Variants in SPATA1 observed in about 807,000 individuals in gnomAD.
SPATA1 encodes the protein spermatogenesis associated 1.
In SPATA1, 57 loss-of-function variants were observed where a neutral mutation model predicts 59.6. The ratio of observed to expected loss-of-function variants is 0.96; its 90% confidence interval spans 0.77 to 1.19. The LOEUF is 1.19. Ranked by LOEUF, SPATA1 falls within the 50% of genes most tolerant of loss-of-function variation. The probability of loss-of-function intolerance (pLI) is 0.00; values close to 1 mark genes in which losing one functional copy is unlikely to be tolerated. For synonymous variants in SPATA1, 147 were observed against 163.9 expected (o/e 0.90, Z 0.79); for missense variants, 448 against 480.7 (o/e 0.93, Z 0.64).
chr1:84,549,762 G>A (rs912570472), intron 11 of SPATA1: 6 of 151,934 alleles, frequency 3.9e-5, no homozygotes, highest in Non-Finnish European at 8.8e-5. Context: ...ATGATTAAAA[G>A]TAAGGATTTA....
chr1:84,515,977 A>G (rs565191875), intron 1 of SPATA1, among the ~76,000 whole-genome samples: 136 of 152,266 alleles, frequency 8.9e-4, no homozygotes, highest in Middle Eastern at 3.4e-3. Flanking sequence ...ATTTAACCTT[A>G]ATTTTTGACC....
At chr1:84,545,538 G>T in intron 9 of SPATA1, 96 bp from the exon 10 acceptor site, 1 of 1,325,562 alleles carries the variant, frequency 7.5e-7, no homozygotes, top group Non-Finnish European at 1.0e-6. Flanking sequence ...TATTCTTGCT[G>T]CTTTAGACAT....
chr1:84,529,624 C>A (rs912634871), intron 6 of SPATA1, among the ~76,000 whole-genome samples: 1 of 130,176 alleles, frequency 7.7e-6, no homozygotes, highest in Middle Eastern at 6.1e-3. Context: ...GCTCTGTTGC[C>A]AGGCTGCAGT....
At chr1:84,551,277 G>A in intron 12 of SPATA1, 1 of 981,764 alleles carries the variant, frequency 1.0e-6, no homozygotes, top group Non-Finnish European at 1.2e-6. Flanking sequence ...TTATGACACA[G>A]AATAATGACT....
chr1:84,528,498 G>C (rs919740647), intron 6 of SPATA1, among the ~76,000 whole-genome samples: 3 of 152,036 alleles, frequency 2.0e-5, no homozygotes, highest in Admixed American at 6.5e-5. Flanking sequence ...TATCATTTTG[G>C]ACTCACTTCT....
intron 8 of SPATA1, among the ~76,000 whole-genome samples, chr1:84,540,250 G>A (rs1683855307): frequency 6.6e-6 from 1 of 151,918 alleles, no homozygotes; most frequent in East Asian, 1.9e-4. Context: ...TCTCAGATTT[G>A]TCATTTTATT....
downstream of SPATA1, chr1:84,555,225 T>C (rs756490636): frequency 1.7e-4 from 257 of 1,489,830 alleles, no homozygotes; most frequent in Non-Finnish European, 2.2e-4. Context: ...AAAATGGAGA[T>C]TTTAAAGTAT....
chr1:84,526,931 A>G (rs749919061), intron 6 of SPATA1, among the ~76,000 whole-genome samples: 2 of 152,006 alleles, frequency 1.3e-5, no homozygotes, highest in Non-Finnish European at 2.9e-5. Context: ...AAACTCATAA[A>G]TACATAAATA....
intron 4 of SPATA1, among the ~76,000 whole-genome samples, chr1:84,560,017 G>A (rs1009373946): frequency 2.7e-5 from 4 of 149,694 alleles, no homozygotes. Context: ...CCAGGAGGCA[G>A]AGGGTGCAGT....
At chr1:84,516,475 A>G (rs1558572773) in intron 2 of SPATA1, 80 bp downstream of exon 2, 5 of 810,652 alleles carry the variant, frequency 6.2e-6, no homozygotes, top group Non-Finnish European at 9.6e-6. Context: ...AAGCAAAAAC[A>G]TAGATTATAT....
intron 11 of SPATA1, chr1:84,550,006 G>C (rs1684222124): frequency 6.6e-6 from 1 of 151,350 alleles, no homozygotes; most frequent in African/African-American, 2.4e-5. Flanking sequence ...AACTTTTCTG[G>C]ACAAAAACCA....
intron 10 of SPATA1, among the ~76,000 whole-genome samples, chr1:84,547,385 G>A (rs1684125679): frequency 6.6e-6 from 1 of 152,142 alleles, no homozygotes; most frequent in Non-Finnish European, 1.5e-5. Flanking sequence ...TATTTATTGA[G>A]CCTACTATGT....
chr1:84,510,270 G>T (rs2101907158), intron 1 of SPATA1, among the ~76,000 whole-genome samples: 1 of 152,174 alleles, frequency 6.6e-6, no homozygotes, highest in South Asian at 2.1e-4. Flanking sequence ...TCTGATAAAG[G>T]ATTTATAACC....
intron 8 of SPATA1, among the ~76,000 whole-genome samples, chr1:84,539,435 G>A (rs918638654): frequency 2.6e-5 from 4 of 152,138 alleles, no homozygotes; most frequent in African/African-American, 4.8e-5. Context: ...CTCCCGCTAG[G>A]AATCCAAGAC....
At chr1:84,553,260 TAC>T in exon 13 of SPATA1, 1 of 515,176 alleles carries the variant, frequency 1.9e-6, no homozygotes, top group Non-Finnish European at 3.4e-6. Flanking sequence ...ATGTGGGTAT[TAC>T]AAAATGTTTC....
rs75312891 is a variant in SPATA1 at position 84,535,170 on chromosome 1, T to C, written c.717+1404T>C. 8.1e-4 allele frequency among the ~76,000 whole-genome samples: 124 copies of C among 152,282 alleles called. 3 individuals carry two copies. The East Asian group carries it at 0.023, about 28-fold the overall frequency. ...TTGACTCTATAAGATCTAGGACAAC[T>C]TCTAGCTTCCCTTTCTGCTCAATGA... is the stretch of plus-strand genomic sequence containing the variant. On this transcript the variant is annotated intron_variant, in intron 8 of 12. Coordinates refer to ENST00000490879, the Ensembl canonical transcript of SPATA1.
chr1:84,515,724 AT>A (rs1173442145), intron 1 of SPATA1, among the ~76,000 whole-genome samples: 1 of 152,156 alleles, frequency 6.6e-6, no homozygotes, highest in Non-Finnish European at 1.5e-5. Context: ...AGCCTGATTT[AT>A]TTAAAGACTG....
At chr1:84,552,932 A>G in intron 12 of SPATA1, 1 of 698,498 alleles carries the variant, frequency 1.4e-6, no homozygotes, top group East Asian at 3.0e-5. Context: ...AAATGAGAGA[A>G]GACAGTTAAA....
At chr1:84,516,000 A>G (rs1235747327) in intron 1 of SPATA1, among the ~76,000 whole-genome samples, 3 of 152,184 alleles carry the variant, frequency 2.0e-5, no homozygotes, top group Non-Finnish European at 2.9e-5. Flanking sequence ...GAAAAGATGA[A>G]TTATTTAGAA....
Sources: gnomAD v4.1 joint callset for allele counts (sites outside exome capture counted in the v4.1 genomes callset) on GRCh38, gnomAD v4.1.1 for gene constraint, MANE v1.5 for transcripts, NCBI Gene and HGNC (gene_info 2026-07-23, HGNC 2026-07-21) for gene names.